SEPTIN8: variants seen among roughly 807,000 people sequenced by gnomAD.
The protein encoded by SEPTIN8 is septin 8, also known as septin-8.
A neutral mutation model predicts 53.1 loss-of-function variants in SEPTIN8; 22 were observed. The observed-to-expected ratio is 0.41, with a 90% CI of 0.30 to 0.59. The LOEUF (loss-of-function observed/expected upper bound fraction) is 0.59. SEPTIN8 is among the 20% of genes least tolerant of loss of function. The probability of loss-of-function intolerance (pLI) is 0.24; values close to 1 mark genes in which losing one functional copy is unlikely to be tolerated. For synonymous variants in SEPTIN8, 228 were observed against 248.4 expected (o/e 0.92, Z 0.77); for missense variants, 536 against 638.7 (o/e 0.84, Z 1.73).
At chr5:132,766,221 C>T (rs1219759407) in intron 1 of SEPTIN8, among the ~76,000 whole-genome samples, 7 of 152,326 alleles carry the variant, frequency 4.6e-5, no homozygotes, top group Admixed American at 1.3e-4. Flanking sequence ...GAGGCCTCCT[C>T]CCTTCTGCCT....
intron 9 of SEPTIN8, chr5:132,754,640 G>A (rs1163953995): frequency 8.0e-6 from 5 of 625,420 alleles, no homozygotes; most frequent in East Asian, 2.8e-5. Flanking sequence ...TTGTATTGCC[G>A]AAGTCCCACT....
At chr5:132,756,527 G>A (rs1403960988) in intron 9 of SEPTIN8, 1 of 985,248 alleles carries the variant, frequency 1.0e-6, no homozygotes, top group Non-Finnish European at 1.2e-6. Context: ...CTGCAGACAG[G>A]GTCACATTCT....
chr5:132,766,872 C>G (rs1457057779), intron 1 of SEPTIN8, among the ~76,000 whole-genome samples: 1 of 152,162 alleles, frequency 6.6e-6, no homozygotes, highest in African/African-American at 2.4e-5. Flanking sequence ...CTGAACCCCT[C>G]TGGCCATCCT....
At chr5:132,762,449 G>A (rs1756079954) in intron 5 of SEPTIN8, 35 bp downstream of exon 5, 2 of 1,607,070 alleles carry the variant, frequency 1.2e-6, no homozygotes, top group African/African-American at 2.7e-5. Flanking sequence ...TCGCCCTCTG[G>A]CCCCAGGGCC....
intron 1 of SEPTIN8, among the ~76,000 whole-genome samples, chr5:132,769,988 T>TATATATATATATAC (rs1757021373): frequency 1.0e-4 from 2 of 19,624 alleles, no homozygotes. Context: ...TATACATATA[T>TATATATATATATAC]ATATATATAT....
rs1561748636 is a variant in SEPTIN8 at position 132,761,354 on chromosome 5, G to A, written c.963-89C>T. 2.6e-5 allele frequency: 41 copies of A among 1,594,108 alleles called. No homozygotes were observed. In the South Asian group the frequency reaches 3.7e-4, roughly 14 times the overall value. ...AGAGCCAGAGAAGTAGAATCATGTGGGCACGAGGGGTAAGAGGATGTGGGG... is the reference window on the plus strand; with the variant it reads ...AGAGCCAGAGAAGTAGAATCATGTGAGCACGAGGGGTAAGAGGATGTGGGG... On this transcript the variant is annotated intron_variant, in intron 7 of 9. Coordinates refer to ENST00000378719, the MANE Select transcript of SEPTIN8 (RefSeq NM_001098811.2). The surrounding 1 kb of genome is among the most constrained non-coding windows in gnomAD (Gnocchi z 5.8).
At chr5:132,757,463 G>T (rs965019085) in intron 9 of SEPTIN8, 1 of 985,498 alleles carries the variant, frequency 1.0e-6, no homozygotes, top group Non-Finnish European at 1.2e-6. Flanking sequence ...CAGAAAGGGG[G>T]AAATGGTCAT....
At chr5:132,755,856 C>T in intron 9 of SEPTIN8, 1 of 601,082 alleles carries the variant, frequency 1.7e-6, no homozygotes, top group African/African-American at 2.1e-5. Context: ...GCAGGGTTTC[C>T]TATTAAAACA....
At chr5:132,755,164 C>T (rs2149950256) in intron 9 of SEPTIN8, among the ~76,000 whole-genome samples, 2 of 152,320 alleles carry the variant, frequency 1.3e-5, no homozygotes, top group Middle Eastern at 6.8e-3. Flanking sequence ...GGGATGTGTT[C>T]ATACCACTCT....
rs377339583 is a variant in SEPTIN8 at position 132,761,658 on chromosome 5, A to C, written c.794-32T>G. The C allele has an allele frequency of 1.2e-6, 2 of 1,609,778 alleles. No individual in the cohort carries two copies. Among genetic ancestry groups the C allele is most frequent in the Non-Finnish European group, 1.7e-6 (2 of 1,177,728 alleles). ...GCAGAGGGCCGGTGGGGTATCAGGC[A>C]GGCATGCAGGCGGGCACACTCCAGA... On this transcript the variant is annotated intron_variant, in intron 6 of 9. Coordinates refer to ENST00000378719, the MANE Select transcript of SEPTIN8 (RefSeq NM_001098811.2). This position sits in a 1 kb window ranked among gnomAD's most constrained non-coding sequence, Gnocchi z 5.8.
chr5:132,777,851 C>T, upstream of SEPTIN8: 1 of 985,504 alleles, frequency 1.0e-6, no homozygotes, highest in Non-Finnish European at 1.2e-6. This position sits in a 1 kb window ranked among gnomAD's most constrained non-coding sequence, Gnocchi z 4.1. Context: ...CCTTCGGCTC[C>T]TTGTGCAACC....
At chr5:132,775,529 A>G (rs995938872) in intron 1 of SEPTIN8, among the ~76,000 whole-genome samples, 8 of 152,214 alleles carry the variant, frequency 5.3e-5, no homozygotes, top group Non-Finnish European at 1.2e-4. Flanking sequence ...CAAGGGGTTA[A>G]ATAACCTGCC....
chr5:132,757,486 A>G (rs113009732), intron 9 of SEPTIN8: 951 of 985,204 alleles, frequency 9.7e-4, no homozygotes, highest in Non-Finnish European at 1.1e-3. Context: ...GAAGGAAGAC[A>G]GGGGCATGAA....
intron 9 of SEPTIN8, chr5:132,753,121 G>GA (rs1307423153): frequency 4.0e-5 from 26 of 645,490 alleles, no homozygotes; most frequent in Non-Finnish European, 5.4e-5. Context: ...TGAGCCCTTG[G>GA]AAAAAAAATA....
At chr5:132,774,011 G>A (rs947091611) in intron 1 of SEPTIN8, 61 of 153,290 alleles carry the variant, frequency 4.0e-4, no homozygotes, top group South Asian at 2.1e-4. Flanking sequence ...CTCAGCTCCC[G>A]TTTTTCTTCG....
intron 1 of SEPTIN8, among the ~76,000 whole-genome samples, chr5:132,770,698 T>C (rs1757238563): frequency 6.6e-6 from 1 of 152,092 alleles, no homozygotes; most frequent in Non-Finnish European, 1.5e-5. Flanking sequence ...GACTGCTCTG[T>C]GGGGAGGAGC....
In SEPTIN8 at chr5:132,751,246, A is replaced by G. The variant is rs549394201; in HGVS notation, c.*770T>C. The stretch of plus-strand genomic sequence containing the variant: ...ACAAAGATTTTTAGACGGCACTATT[A>G]TGGTGAGTTTCTCTTTTAAATACAC... On this transcript the variant is annotated 3_prime_UTR_variant, in exon 10 of 10. Coordinates refer to ENST00000378719, the MANE Select transcript of SEPTIN8 (RefSeq NM_001098811.2). 7.2e-6 allele frequency: 3 copies of G among 415,332 alleles called. No individual in the cohort carries two copies. In the East Asian group the frequency reaches 1.2e-4, roughly 17 times the overall value. 25.7% of individuals were successfully genotyped at this position (415,332 alleles called of 1,614,324 possible).
rs10477743 is a variant in SEPTIN8 at position 132,757,590 on chromosome 5, T to C, written c.1286+3212A>G. The C allele has an allele frequency of 3.8e-3, 3,755 of 985,244 alleles. 105 individuals carry two copies. The African/African-American group carries it at 0.062, about 16-fold the overall frequency. The allele number at this position is 985,244 out of a possible 1,614,324, so 61.0% of individuals were successfully genotyped here. ...ACTGTGAGCTCCTTGAGGGGAGCGTTGTGCATTCCTCTGGGTAGCTCCAGT... is the reference window on the plus strand; with the variant it reads ...ACTGTGAGCTCCTTGAGGGGAGCGTCGTGCATTCCTCTGGGTAGCTCCAGT... On this transcript the variant is annotated intron_variant, in intron 9 of 9. Coordinates refer to ENST00000378719, the MANE Select transcript of SEPTIN8 (RefSeq NM_001098811.2).
At chr5:132,764,185 G>A in intron 3 of SEPTIN8, 39 bp downstream of exon 3, 1 of 1,577,176 alleles carries the variant, frequency 6.3e-7, no homozygotes, top group East Asian at 2.2e-5. Flanking sequence ...TAGGTGGGGT[G>A]GGAGGAGGCT....
Sources: allele counts gnomAD v4.1 joint callset (sites outside exome capture counted in the v4.1 genomes callset), GRCh38; gene constraint gnomAD v4.1.1; non-coding constraint Gnocchi (gnomAD v3.1); transcripts MANE v1.5; gene names NCBI Gene and HGNC (gene_info 2026-07-23, HGNC 2026-07-21).